Variants in PMPCB observed in about 807,000 individuals in gnomAD.
PMPCB encodes peptidase, mitochondrial processing subunit beta.
PMPCB carries 46 observed loss-of-function variants against 61.5 expected under a neutral mutation model. The observed-to-expected ratio is 0.75, with a 90% confidence interval of 0.59 to 0.96. The LOEUF (loss-of-function observed/expected upper bound fraction) is 0.96. Ranked by LOEUF, PMPCB falls within the 40% of genes least tolerant of loss-of-function variation. The pLI is 0.00. For missense variants in PMPCB, 590 were observed against 602.4 expected (o/e 0.98, Z 0.22); for synonymous variants, 191 against 201.6 (o/e 0.95, Z 0.44).
chr7:103,331,944 G>A (rs1818990824), downstream of PMPCB, among the ~76,000 whole-genome samples: 1 of 151,912 alleles, frequency 6.6e-6, no homozygotes, highest in South Asian at 2.1e-4. Context: ...AATTTGCACA[G>A]TGGCTATGCT....
At chr7:103,321,768 G>A (rs145470711) in intron 12 of PMPCB, among the ~76,000 whole-genome samples, 3,346 of 152,224 alleles carry the variant, frequency 0.022, 42 homozygotes, top group African/African-American at 0.032. Flanking sequence ...AGAATCGCTC[G>A]AACCCGGAGG....
intron 2 of PMPCB, among the ~76,000 whole-genome samples, chr7:103,299,133 C>G (rs192792645): frequency 3.3e-5 from 5 of 152,158 alleles, no homozygotes; most frequent in South Asian, 2.1e-4. Context: ...ATGACAGAGC[C>G]AGGATTTCAA....
chr7:103,339,973 C>T, the PMPCB span, among the ~76,000 whole-genome samples: 3 of 151,824 alleles, frequency 2.0e-5, no homozygotes, highest in Non-Finnish European at 2.9e-5. Flanking sequence ...CAAGTAGCTG[C>T]GATTACAGGC....
intron 1 of PMPCB, among the ~76,000 whole-genome samples, 193 bp from the exon 2 acceptor site, chr7:103,298,375 G>T (rs564002619): frequency 6.6e-6 from 1 of 152,226 alleles, no homozygotes; most frequent in South Asian, 2.1e-4. Context: ...TAAACACGTT[G>T]CTGGCTTTAG....
the PMPCB span, chr7:103,344,288 C>G: frequency 1.9e-6 from 1 of 532,622 alleles, no homozygotes; most frequent in Non-Finnish European, 3.3e-6. Flanking sequence ...GGGGTTCCGT[C>G]CCGAAATGCT....
At chr7:103,323,226 G>A (rs373512080) in intron 12 of PMPCB, among the ~76,000 whole-genome samples, 5 of 152,034 alleles carry the variant, frequency 3.3e-5, no homozygotes, top group African/African-American at 7.3e-5. Flanking sequence ...CAGCACGCCC[G>A]GCCTAAACAG....
At chr7:103,303,764 T>C in intron 4 of PMPCB, 78 bp from the exon 5 acceptor site, 1 of 961,196 alleles carries the variant, frequency 1.0e-6, no homozygotes. Flanking sequence ...TGTCATGATT[T>C]CTGATTTTGG....
downstream of PMPCB, chr7:103,316,742 G>A (rs1818081226): frequency 1.8e-6 from 2 of 1,104,868 alleles, no homozygotes; most frequent in Non-Finnish European, 2.6e-6. Flanking sequence ...GCAAGTTTCT[G>A]TGATAACAAG....
At chr7:103,326,649 C>T (rs770036123) in intron 12 of PMPCB, 1 of 1,612,786 alleles carries the variant, frequency 6.2e-7, no homozygotes, top group South Asian at 1.1e-5. Flanking sequence ...CTGTTAAATG[C>T]TCGTCTTTTC....
At chr7:103,338,449 A>G in the PMPCB span, among the ~76,000 whole-genome samples, 1 of 148,634 alleles carries the variant, frequency 6.7e-6, no homozygotes, top group Non-Finnish European at 1.5e-5. Context: ...GGTGCACACC[A>G]CCACGCCTGG....
At chr7:103,320,306 T>C (rs1818314744) in intron 12 of PMPCB, among the ~76,000 whole-genome samples, 1 of 151,668 alleles carries the variant, frequency 6.6e-6, no homozygotes, top group South Asian at 2.1e-4. Context: ...GCCAGGCTGG[T>C]CTTGAACTCC....
intron 8 of PMPCB, 61 bp downstream of exon 8, chr7:103,309,156 A>T (rs567518446): frequency 2.2e-6 from 3 of 1,363,352 alleles, no homozygotes; most frequent in Non-Finnish European, 3.0e-6. Context: ...TTTCTTAAAT[A>T]TAAGTTCTTT....
intron 3 of PMPCB, 43 bp downstream of exon 3, chr7:103,299,572 T>G (rs757115944): frequency 2.7e-6 from 3 of 1,124,104 alleles, no homozygotes; most frequent in East Asian, 2.4e-5. Flanking sequence ...CTTTAAGAGA[T>G]AATAAGCACA....
In PMPCB at chr7:103,313,895, T is replaced by G; in HGVS notation, c.*1624T>G. The G allele has an allele frequency of 1.0e-6, 1 of 985,448 alleles. No individual in the cohort carries two copies. The highest frequency in any genetic ancestry group is 1.2e-6 in the Non-Finnish European group (1 of 829,936). 61.0% of individuals were successfully genotyped at this position (985,448 alleles called of 1,614,324 possible). On this transcript the variant is annotated 3_prime_UTR_variant, in exon 13 of 13. Transcript: ENST00000249269. ...GTTAATGGACTTCTGGCAATTTAGT[T>G]ATTTCAGACTATGCAGTGACAACAC... is the stretch of plus-strand genomic sequence containing the variant.
At chr7:103,312,010 T>C (rs1817773369) in intron 11 of PMPCB, 46 bp from the exon 12 acceptor site, 2 of 1,589,378 alleles carry the variant, frequency 1.3e-6, no homozygotes, top group African/African-American at 2.7e-5. Context: ...GTATAGACTT[T>C]GTTTTTACTA....
downstream of PMPCB, among the ~76,000 whole-genome samples, chr7:103,334,024 C>T (rs2116006773): frequency 6.6e-6 from 1 of 150,862 alleles, no homozygotes; most frequent in Non-Finnish European, 1.5e-5. Flanking sequence ...GATCTCAGCT[C>T]ACTGCAAGCT....
At chr7:103,331,319 G>A (rs1818960992), downstream of PMPCB, among the ~76,000 whole-genome samples, 1 of 152,094 alleles carries the variant, frequency 6.6e-6, no homozygotes, top group Non-Finnish European at 1.5e-5. Flanking sequence ...AGGGTATTTG[G>A]GTATCTATCA....
the PMPCB span, among the ~76,000 whole-genome samples, chr7:103,347,343 G>A: frequency 6.6e-6 from 1 of 152,200 alleles, no homozygotes; most frequent in Non-Finnish European, 1.5e-5. Flanking sequence ...GTTTATTCAG[G>A]TTATTTGCCC....
the PMPCB span, chr7:103,337,698 C>T: frequency 1.3e-6 from 2 of 1,504,890 alleles, no homozygotes; most frequent in Non-Finnish European, 1.8e-6. Context: ...TGTTCCTATA[C>T]AAGATATTTG....
Sources: gnomAD v4.1 joint callset for allele counts (sites outside exome capture counted in the v4.1 genomes callset) on GRCh38, gnomAD v4.1.1 for gene constraint, MANE v1.5 for transcripts, NCBI Gene and HGNC (gene_info 2026-07-23, HGNC 2026-07-21) for gene names.